The following STOML2 variants were observed in gnomAD, a reference collection of about 807,000 sequenced individuals.
STOML2 encodes stomatin-like protein 2, mitochondrial.
In STOML2, 22 loss-of-function variants were observed where a neutral mutation model predicts 45.7. That is an observed-to-expected ratio of 0.48 (90% CI 0.34 to 0.69). The LOEUF (loss-of-function observed/expected upper bound fraction) is 0.69, where lower values mean the gene tolerates loss of function less well. STOML2 is among the 30% of genes least tolerant of loss of function. The pLI, the probability that STOML2 is intolerant of heterozygous loss-of-function variation, is 0.01. For missense variants in STOML2, 359 were observed against 466.9 expected (o/e 0.77, Z 2.13); for synonymous variants, 181 against 182.7 (o/e 0.99, Z 0.08).
rs1410052583 is a variant in STOML2 at position 35,100,715 on chromosome 9, T to C, written c.816A>G (p.Ala272=). The change falls in exon 9 of 10, where the codon GCA becomes GCG. Residue 272 remains alanine (A), a synonymous_variant. Coordinates refer to ENST00000356493, the MANE Select transcript of STOML2 (RefSeq NM_013442.3). The part of the protein sequence containing the change: ...AAALTQHNGD[A]AASLTVAEQY... ...GCTCGGCCACAGTCAGTGAAGCTGCTGCATCTCCATTCTGTGATCACAGGG... is the reference window on the plus strand; with the variant it reads ...GCTCGGCCACAGTCAGTGAAGCTGCCGCATCTCCATTCTGTGATCACAGGG... 1.2e-6 allele frequency: 2 copies of C among 1,614,044 alleles called. No individual in the cohort carries two copies. The highest frequency in any genetic ancestry group is 1.1e-5 in the South Asian group (1 of 91,064).
Position 35,102,911 on chromosome 9 carries a change from C to T in STOML2, c.46-88G>A. 2 of 1,574,644 alleles carry T rather than the reference C, an allele frequency of 1.3e-6. No homozygotes were observed. Among genetic ancestry groups the T allele is most frequent in the Non-Finnish European group, 1.7e-6 (2 of 1,158,084 alleles). On this transcript the variant is annotated intron_variant, in intron 1 of 9. Coordinates refer to ENST00000356493, the MANE Select transcript of STOML2 (RefSeq NM_013442.3). This position sits in a 1 kb window ranked among gnomAD's most constrained non-coding sequence, Gnocchi z 4.8. ...GAAGGCATCTCCATAAACCACGACC[C>T]TCAGGATCCTCGGAGAATCACATGG...
rs764416066 is a variant in STOML2 at position 35,100,206 on chromosome 9, C to G, written c.934-34G>C. On this transcript the variant is annotated intron_variant, in intron 9 of 9. Transcript: ENST00000356493. ...AGGAACAGAGAGAATACCATGAGGA[C>G]ACTTGACAGAGGTGCAGCCCAGCCT... is the stretch of plus-strand genomic sequence containing the variant. The G allele has an allele frequency of 1.1e-5, 17 of 1,609,540 alleles. No individual in the cohort carries two copies. In the South Asian group the frequency reaches 1.8e-4, roughly 17 times the overall value.
chr9:35,100,310 T>G (rs1226465481), intron 9 of STOML2, 138 bp from the exon 10 acceptor site: 2 of 1,179,500 alleles, frequency 1.7e-6, no homozygotes, highest in East Asian at 4.9e-5. Context: ...ACCTGTCTTG[T>G]AAGCTCTGGA....
At position 35,103,111 on chromosome 9, in the gene STOML2, G is replaced by T. The variant is rs370750364; in HGVS notation, c.-17C>A. On this transcript the variant is annotated 5_prime_UTR_variant, in exon 1 of 10. Coordinates refer to ENST00000356493, the MANE Select transcript of STOML2 (RefSeq NM_013442.3). ...CGCCAGCATTTCCCACCGCCGCAGC[G>T]ACCTCCGGAACCAACGAGACGAGCG... The T allele has an allele frequency of 3.1e-6, 5 of 1,612,444 alleles. No homozygotes were observed. Among genetic ancestry groups the T allele is most frequent in the Non-Finnish European group, 4.2e-6 (5 of 1,179,858 alleles).
At position 35,101,653 on chromosome 9, in the gene STOML2, G is replaced by T. The variant is rs902219882; in HGVS notation, c.444+57C>A. The T allele has an allele frequency of 6.2e-7, 1 of 1,613,890 alleles. No homozygotes were observed. Reference sequence around the variant, plus strand: ...GGGACTGATCTTGACCTTCAGAAAAGATTAAGAGTGTCAGGTTTGTGTCTT... The same window carrying T: ...GGGACTGATCTTGACCTTCAGAAAATATTAAGAGTGTCAGGTTTGTGTCTT... On this transcript the variant is annotated intron_variant, in intron 5 of 9. Coordinates refer to ENST00000356493, the MANE Select transcript of STOML2 (RefSeq NM_013442.3). This position sits in a 1 kb window ranked among gnomAD's most constrained non-coding sequence, Gnocchi z 4.3.
Position 35,101,858 on chromosome 9 carries a change from G to A in STOML2, c.342+46C>T, listed in dbSNP as rs775815527. The A allele has an allele frequency of 1.9e-6, 3 of 1,614,142 alleles. No individual in the cohort carries two copies. In the Admixed American group the frequency reaches 5.0e-5, roughly 27 times the overall value. On this transcript the variant is annotated intron_variant, in intron 4 of 9. Transcript: ENST00000356493. The surrounding 1 kb of genome is among the most constrained non-coding windows in gnomAD (Gnocchi z 4.3). ...TAAGAAGCTTGGGCACAAGATTTTAGTGAAGAGGGCAACTCAAAAGGCTGG... is the reference window on the plus strand; with the variant it reads ...TAAGAAGCTTGGGCACAAGATTTTAATGAAGAGGGCAACTCAAAAGGCTGG...
intron 8 of STOML2, 84 bp downstream of exon 8, chr9:35,100,848 G>A (rs748240613): frequency 8.7e-6 from 14 of 1,610,828 alleles, no homozygotes; most frequent in Non-Finnish European, 1.2e-5. Flanking sequence ...AGAGCCCACA[G>A]AGGCGGAACT....
rs777391966 is a variant in STOML2, at chr9:35,103,038, C to T, written c.45+12G>A. ...CTGTCCTGACCCTCTGGAAAGGTTG[C>T]CTCGCTCTCACCCTCAGCAAAAGGG... On this transcript the variant is annotated intron_variant, in intron 1 of 9. Transcript: ENST00000356493. 3 of 1,614,062 alleles carry T rather than the reference C, an allele frequency of 1.9e-6. No homozygotes were observed. The highest frequency in any genetic ancestry group is 2.5e-6 in the Non-Finnish European group (3 of 1,179,980).
In STOML2 at chr9:35,101,041, C is replaced by T; in HGVS notation, c.725-30G>A. ...AAGAGAAGGGACAGAGCTTGCTTGA[C>T]CCATGAAGTCAAAGTACCCCAAAGA... is the stretch of plus-strand genomic sequence containing the variant. On this transcript the variant is annotated intron_variant, in intron 7 of 9. Coordinates refer to ENST00000356493, the MANE Select transcript of STOML2 (RefSeq NM_013442.3). This position sits in a 1 kb window ranked among gnomAD's most constrained non-coding sequence, Gnocchi z 4.3. 1 of 1,612,406 alleles carries T rather than the reference C, an allele frequency of 6.2e-7. No homozygotes were observed. The highest frequency in any genetic ancestry group is 1.1e-5 in the South Asian group (1 of 90,958).
In STOML2 at chr9:35,100,525, T is replaced by G. The variant is rs1420873195; in HGVS notation, c.933+73A>C. 4 of 1,523,344 alleles carry G rather than the reference T, an allele frequency of 2.6e-6. No homozygotes were observed. In the Admixed American group the frequency reaches 5.4e-5, roughly 20 times the overall value. 94.4% of individuals were successfully genotyped at this position (1,523,344 alleles called of 1,614,324 possible). A position where few individuals can be genotyped will look rare whatever the true frequency, so the allele number is the denominator to read the frequency against. On this transcript the variant is annotated intron_variant, in intron 9 of 9. Transcript: ENST00000356493. ...GAAGACCTTTATGGTATGTAAGTGT[T>G]GATGACGGTGGTGGGGTCTCAGTTT...
At position 35,102,815 on chromosome 9, in the gene STOML2, T is replaced by C. The variant is rs1587193660; in HGVS notation, c.54A>G (p.Leu18=). The change falls in exon 2 of 10, where the codon CTA becomes CTG. Residue 18 remains leucine, a synonymous_variant. Coordinates refer to ENST00000356493, the MANE Select transcript of STOML2 (RefSeq NM_013442.3). The surrounding 1 kb of genome is among the most constrained non-coding windows in gnomAD (Gnocchi z 4.8). The part of the protein sequence containing the change: ...GTGALLLRGS[L]LASGRAPRRA... ...GGCGCGGAGCGCGGCCAGAAGCCAG[T>C]AGAGAGCCCTGAAGGAAAGAAGAGG... The C allele has an allele frequency of 6.2e-7, 1 of 1,613,956 alleles. No individual in the cohort carries two copies. Among genetic ancestry groups the C allele is most frequent in the Non-Finnish European group, 8.5e-7 (1 of 1,179,936 alleles).
rs773150927 is a variant in STOML2, at chr9:35,101,570, G to C, written c.445-10C>G. 3.1e-6 allele frequency: 5 copies of C among 1,613,936 alleles called. No individual in the cohort carries two copies. The highest frequency in any genetic ancestry group is 4.5e-5 in the East Asian group (2 of 44,894). The stretch of plus-strand genomic sequence containing the variant: ...TCAGGGACTCCCGTTCCTGGAAAAA[G>C]AGGTGTAAGCCCCACAGCCTCAACC... On this transcript the variant is annotated splice_polypyrimidine_tract_variant and intron_variant, in intron 5 of 9. Coordinates refer to ENST00000356493, the MANE Select transcript of STOML2 (RefSeq NM_013442.3). This position sits in a 1 kb window ranked among gnomAD's most constrained non-coding sequence, Gnocchi z 4.3.
In STOML2 at chr9:35,102,609, G is replaced by A; in HGVS notation, c.183+77C>T. 1 of 1,577,632 alleles carries A rather than the reference G, an allele frequency of 6.3e-7. No homozygotes were observed. The highest frequency in any genetic ancestry group is 8.6e-7 in the Non-Finnish European group (1 of 1,163,548). The stretch of plus-strand genomic sequence containing the variant: ...AGCTAACAGTGCGGGCAGGCCCAAA[G>A]GAAGTCCTCCCGACATTGCATGTCG... On this transcript the variant is annotated intron_variant, in intron 2 of 9. Transcript: ENST00000356493. This position sits in a 1 kb window ranked among gnomAD's most constrained non-coding sequence, Gnocchi z 4.8.
chr9:35,100,670 G>C lies in STOML2; in HGVS notation c.861C>G (p.Ser287=). 1 of 1,614,154 alleles carries C rather than the reference G, an allele frequency of 6.2e-7. No individual in the cohort carries two copies. Among genetic ancestry groups the C allele is most frequent in the Non-Finnish European group, 8.5e-7 (1 of 1,180,032 alleles). ...TVAEQYVSAF[S]KLAKDSNTIL... Reference sequence around the variant, plus strand: ...TAGTGTTGGAGTCCTTGGCCAGTTTGGAGAACGCGCTGACATACTGCTCGG... The same window carrying C: ...TAGTGTTGGAGTCCTTGGCCAGTTTCGAGAACGCGCTGACATACTGCTCGG... The change falls in exon 9 of 10, where the codon TCC becomes TCG. Residue 287 remains serine (S), a synonymous_variant. Coordinates refer to ENST00000356493, the MANE Select transcript of STOML2 (RefSeq NM_013442.3).
chr9:35,100,478 AG>A, intron 9 of STOML2, 119 bp downstream of exon 9: 1 of 1,339,478 alleles, frequency 7.5e-7, no homozygotes, highest in South Asian at 1.3e-5. Flanking sequence ...GAATGAAGGG[AG>A]GTCTAGGGCC....
chr9:35,102,653 G>A lies in STOML2; in HGVS notation c.183+33C>T, dbSNP rs1169176011. ...CATGTCGTGAGGGATTGGTCATCTG[G>A]CTGGCCCAGGGTGGGCAGAAGAGGT... is the stretch of plus-strand genomic sequence containing the variant. On this transcript the variant is annotated intron_variant, in intron 2 of 9. Transcript: ENST00000356493. This position sits in a 1 kb window ranked among gnomAD's most constrained non-coding sequence, Gnocchi z 4.8. 1.2e-6 allele frequency: 2 copies of A among 1,609,006 alleles called. No individual in the cohort carries two copies. The highest frequency in any genetic ancestry group is 2.3e-4 in the Middle Eastern group (1 of 4,444).
At position 35,103,010 on chromosome 9, in the gene STOML2, T is replaced by C. The variant is rs374261105; in HGVS notation, c.45+40A>G. On this transcript the variant is annotated intron_variant, in intron 1 of 9. Transcript: ENST00000356493. ...CTTTTCCAGCGGAGAACCCAGGTAA[T>C]CTCTGTCCTGACCCTCTGGAAAGGT... is the stretch of plus-strand genomic sequence containing the variant. 151 of 1,612,886 alleles carry C rather than the reference T, an allele frequency of 9.4e-5. No homozygotes were observed. In the Middle Eastern group the frequency reaches 1.7e-3, roughly 18 times the overall value.
intron 8 of STOML2, 64 bp from the exon 9 acceptor site, chr9:35,100,790 A>G: frequency 6.2e-7 from 1 of 1,613,362 alleles, no homozygotes. Context: ...GGGATGGGGA[A>G]TGAAGAAAGC....
At position 35,100,540 on chromosome 9, in the gene STOML2, G is replaced by A. The variant is rs532330771; in HGVS notation, c.933+58C>T. 6 of 1,561,636 alleles carry A rather than the reference G, an allele frequency of 3.8e-6. No homozygotes were observed. In the African/African-American group the frequency reaches 8.3e-5, roughly 22 times the overall value. ...ATGTAAGTGTTGATGACGGTGGTGG[G>A]GTCTCAGTTTGGTCCCTGGCACCAG... On this transcript the variant is annotated intron_variant, in intron 9 of 9. Transcript: ENST00000356493.
Sources: gnomAD v4.1 joint callset for allele counts on GRCh38, gnomAD v4.1.1 for gene constraint, Gnocchi (gnomAD v3.1) non-coding constraint, MANE v1.5 for transcripts, NCBI Gene and HGNC (gene_info 2026-07-23, HGNC 2026-07-21) for gene names.